The following NTM variants were observed in gnomAD, a reference collection of about 807,000 sequenced individuals.
NTM encodes the protein IgLON family member 2.
NTM carries 13 observed loss-of-function variants against 42.1 expected under a neutral mutation model. The observed-to-expected ratio is 0.31, with a 90% confidence interval of 0.20 to 0.49. The LOEUF (loss-of-function observed/expected upper bound fraction) is 0.49. Ranked by LOEUF, NTM falls within the 20% of genes least tolerant of loss-of-function variation. The pLI, the probability that NTM is intolerant of heterozygous loss-of-function variation, is 0.99. For synonymous variants in NTM, 187 were observed against 179.2 expected, an observed-to-expected ratio of 1.04 and a Z score of -0.35; for missense variants, 373 against 452.8, an observed-to-expected ratio of 0.82 and a Z score of 1.60.
chr11:131,718,862 G>C (rs2078014741), intron 1 of NTM, among the ~76,000 whole-genome samples: 1 of 152,136 alleles, frequency 6.6e-6, no homozygotes, highest in South Asian at 2.1e-4. Flanking sequence ...GATGAATGCT[G>C]TGCTCCTCTC....
At chr11:131,875,883 C>A (rs1389322929) in intron 1 of NTM, among the ~76,000 whole-genome samples, 1 of 152,256 alleles carries the variant, frequency 6.6e-6, no homozygotes, top group East Asian at 1.9e-4. Context: ...TTTTTCAGTT[C>A]CTGGAGGCTG....
chr11:132,144,582 A>G (rs931978474), intron 2 of NTM, among the ~76,000 whole-genome samples: 3 of 152,186 alleles, frequency 2.0e-5, no homozygotes, highest in Admixed American at 6.5e-5. Flanking sequence ...GTATGACCCA[A>G]CTGAGATGTT....
intron 1 of NTM, among the ~76,000 whole-genome samples, chr11:131,659,975 T>C (rs1034251803): frequency 6.6e-6 from 1 of 152,204 alleles, no homozygotes; most frequent in African/African-American, 2.4e-5. Context: ...TTTTCCAATA[T>C]GTGAGCACGT....
At position 131,507,802 on chromosome 11, in the gene NTM, T is replaced by C. The variant is rs1236501158; in HGVS notation, c.82+136914T>C. On this transcript the variant is annotated intron_variant, in intron 1 of 8. Coordinates refer to ENST00000683400, the MANE Select transcript of NTM (RefSeq NM_001352005.2). Reference sequence around the variant, plus strand: ...CTTGTAAGTTGGATTCCTAGGTATTTTATTCTCTTTGAAGCAATTGTGAAT... The same window carrying C: ...CTTGTAAGTTGGATTCCTAGGTATTCTATTCTCTTTGAAGCAATTGTGAAT... 2.0e-5 allele frequency among the ~76,000 whole-genome samples: 3 copies of C among 150,522 alleles called. No individual in the cohort carries two copies. The East Asian group carries it at 5.9e-4, about 30-fold the overall frequency.
At chr11:131,911,273 C>T (rs1387975882) in intron 1 of NTM, 3 of 1,422,694 alleles carry the variant, frequency 2.1e-6, no homozygotes, top group East Asian at 2.5e-5. Context: ...ACCGGTTTTC[C>T]GAGGCTGGCA....
intron 1 of NTM, among the ~76,000 whole-genome samples, chr11:131,414,855 T>C (rs1946778026): frequency 6.6e-6 from 1 of 152,222 alleles, no homozygotes; most frequent in African/African-American, 2.4e-5. Context: ...GCTTGCATGT[T>C]AGTCCTTCCA....
At chr11:131,458,795 G>T (rs920947569) in intron 1 of NTM, among the ~76,000 whole-genome samples, 1 of 152,234 alleles carries the variant, frequency 6.6e-6, no homozygotes, top group South Asian at 2.1e-4. Flanking sequence ...TGCAAACTTA[G>T]TTCACATCAA....
At chr11:132,014,405 A>G (rs961370843) in intron 2 of NTM, among the ~76,000 whole-genome samples, 1 of 152,076 alleles carries the variant, frequency 6.6e-6, no homozygotes, top group Non-Finnish European at 1.5e-5. Context: ...TTGAATAAAT[A>G]CCCAGTAGTG....
chr11:131,949,767 A>C lies in NTM; in HGVS notation c.167+38119A>C, dbSNP rs1468612586. ...CCGGCCCACTCCAGCTAGTGCTGTC[A>C]GCTTTTCAGGTCCTTTTCAGAAGTC... is the stretch of plus-strand genomic sequence containing the variant. On this transcript the variant is annotated intron_variant, in intron 2 of 8. Transcript: ENST00000683400. 2.0e-5 allele frequency among the ~76,000 whole-genome samples: 3 copies of C among 152,252 alleles called. No homozygotes were observed. The East Asian group carries it at 5.8e-4, about 29-fold the overall frequency.
intron 1 of NTM, among the ~76,000 whole-genome samples, chr11:131,421,442 A>G (rs992492951): frequency 6.6e-6 from 1 of 152,096 alleles, no homozygotes; most frequent in Non-Finnish European, 1.5e-5. Context: ...GTTCCTTTGG[A>G]TCCTTTGACC....
rs1565924250 is a variant in NTM, at chr11:132,003,058, A to G, written c.167+91410A>G. On this transcript the variant is annotated intron_variant, in intron 2 of 8. Coordinates refer to ENST00000683400, the MANE Select transcript of NTM (RefSeq NM_001352005.2). This position sits in a 1 kb window ranked among gnomAD's most constrained non-coding sequence, Gnocchi z 6.0. Reference sequence around the variant, plus strand: ...GGTTAGGAAAGTAACTAGTGAGCGCACTAAACAGTAAGATGCGCTGCCACA... The same window carrying G: ...GGTTAGGAAAGTAACTAGTGAGCGCGCTAAACAGTAAGATGCGCTGCCACA... Among the ~76,000 whole-genome samples, 2 of 152,154 alleles carry G rather than the reference A, an allele frequency of 1.3e-5. No homozygotes were observed. Among genetic ancestry groups the G allele is most frequent in the African/African-American group, 4.8e-5 (2 of 41,422 alleles).
chr11:131,816,604 G>C (rs1018762558), intron 1 of NTM, among the ~76,000 whole-genome samples: 1 of 151,732 alleles, frequency 6.6e-6, no homozygotes, highest in Non-Finnish European at 1.5e-5. Flanking sequence ...GGCAAATAAG[G>C]AACCTGAGTC....
chr11:131,563,290 G>GA (rs2056460875), intron 1 of NTM, among the ~76,000 whole-genome samples: 1 of 152,108 alleles, frequency 6.6e-6, no homozygotes, highest in African/African-American at 2.4e-5. Flanking sequence ...TTTTCTGAAG[G>GA]AAAATATTAA....
At chr11:131,880,199 A>AG (rs2137257307) in intron 1 of NTM, among the ~76,000 whole-genome samples, 1 of 152,276 alleles carries the variant, frequency 6.6e-6, no homozygotes, top group Non-Finnish European at 1.5e-5. Flanking sequence ...CAAGAAGACT[A>AG]GTTTTGAGAT....
chr11:131,789,374 G>A (rs1348717769), intron 1 of NTM, among the ~76,000 whole-genome samples: 1 of 144,102 alleles, frequency 6.9e-6, no homozygotes, highest in Non-Finnish European at 1.5e-5. Context: ...TAATAAAGAA[G>A]AAGATTTAAG....
In NTM at chr11:132,049,574, T is replaced by C. The variant is rs566275177; in HGVS notation, c.168-96708T>C. ...GTTGTCAGTGAGAGGTGAGCGCCCT[T>C]GGCTGTGAGCTGGGAGTTATCAGCA... On this transcript the variant is annotated intron_variant, in intron 2 of 8. Transcript: ENST00000683400. Among the ~76,000 whole-genome samples, 4 of 152,302 alleles carry C rather than the reference T, an allele frequency of 2.6e-5. No homozygotes were observed. In the South Asian group the frequency reaches 8.3e-4, roughly 32 times the overall value.
In NTM at chr11:131,370,759, A is replaced by G. The variant is rs779837942; in HGVS notation, c.-48A>G. On this transcript the variant is annotated 5_prime_UTR_variant, in exon 1 of 9. Coordinates refer to ENST00000683400, the MANE Select transcript of NTM (RefSeq NM_001352005.2). ...AATCTATCAGGAAAGAAAGAAAGAA[A>G]AAAACCGAACCTGACAAAAAAGAAG... is the stretch of plus-strand genomic sequence containing the variant. 3.3e-6 allele frequency: 5 copies of G among 1,535,694 alleles called. No homozygotes were observed. The South Asian group carries it at 4.6e-5, about 14-fold the overall frequency.
At chr11:131,797,766 T>G (rs1339487574) in intron 1 of NTM, among the ~76,000 whole-genome samples, 1 of 152,238 alleles carries the variant, frequency 6.6e-6, no homozygotes, top group East Asian at 1.9e-4. Flanking sequence ...AATTAAAAAC[T>G]GTTGAATAAT....
chr11:131,636,484 G>A (rs1016543161), intron 1 of NTM, among the ~76,000 whole-genome samples: 32 of 152,194 alleles, frequency 2.1e-4, no homozygotes, highest in African/African-American at 7.7e-4. Context: ...TCCATGGTTG[G>A]TCGAATCCTG....
Sources: allele counts gnomAD v4.1 joint callset (sites outside exome capture counted in the v4.1 genomes callset), GRCh38; gene constraint gnomAD v4.1.1; non-coding constraint Gnocchi (gnomAD v3.1); transcripts MANE v1.5; gene names NCBI Gene and HGNC (gene_info 2026-07-23, HGNC 2026-07-21).